CHIC1: variants seen among roughly 807,000 people sequenced by gnomAD.
CHIC1 encodes the protein cysteine rich hydrophobic domain 1, also known as cysteine-rich hydrophobic domain-containing protein 1.
A neutral mutation model predicts 18.5 loss-of-function variants in CHIC1; 7 were observed. The observed-to-expected ratio is 0.38, with a 90% CI of 0.22 to 0.71. The LOEUF is 0.71. CHIC1 is among the 30% of genes least tolerant of loss of function. The probability of loss-of-function intolerance (pLI) is 0.49; values close to 1 mark genes in which losing one functional copy is unlikely to be tolerated. For missense variants in CHIC1, 159 were observed against 176.9 expected (o/e 0.90, Z 0.57); for synonymous variants, 77 against 73.5 (o/e 1.05, Z -0.25).
intron 3 of CHIC1, among the ~76,000 whole-genome samples, chrX:73,621,807 A>G (rs189346541): frequency 1.8e-5 from 2 of 112,297 alleles, no homozygotes; most frequent in South Asian, 3.7e-4. Context: ...GCTTTTGCCC[A>G]TTCAGTATGA....
At chrX:73,563,735 G>A (rs778636097) in intron 1 of CHIC1, among the ~76,000 whole-genome samples, 155 bp downstream of exon 1, 1 of 111,179 alleles carries the variant, frequency 9.0e-6, no homozygotes, top group South Asian at 3.9e-4. Flanking sequence ...GGAAACCATG[G>A]GTGGATACGT....
chrX:73,657,102 C>A (rs2147614779), intron 3 of CHIC1, among the ~76,000 whole-genome samples: 1 of 106,362 alleles, frequency 9.4e-6, no homozygotes, highest in African/African-American at 3.4e-5. Flanking sequence ...CTCCATCGCC[C>A]AGACTGGAGT....
intron 3 of CHIC1, among the ~76,000 whole-genome samples, chrX:73,651,530 G>T (rs1402843090): frequency 9.0e-6 from 1 of 111,242 alleles, no homozygotes; most frequent in Admixed American, 9.6e-5. Context: ...CTTCAGCAAA[G>T]TCTCAGGATA....
At chrX:73,574,799 T>G (rs1276997018) in intron 1 of CHIC1, among the ~76,000 whole-genome samples, 1 of 110,734 alleles carries the variant, frequency 9.0e-6, no homozygotes, top group Non-Finnish European at 1.9e-5. Context: ...ATTGCACTTA[T>G]TTGGATCTTC....
chrX:73,677,715 G>A (rs1033227427), intron 3 of CHIC1, among the ~76,000 whole-genome samples: 7 of 112,038 alleles, frequency 6.2e-5, no homozygotes, highest in South Asian at 7.4e-4. Context: ...GCCCTGCTTC[G>A]GCTCGCACAC....
At chrX:73,578,477 C>G (rs1172503256) in intron 2 of CHIC1, among the ~76,000 whole-genome samples, 2 of 110,006 alleles carry the variant, frequency 1.8e-5, no homozygotes, top group East Asian at 2.8e-4. Context: ...TATTTTGGAG[C>G]CTTTAAATTC....
At chrX:73,606,876 C>A (rs1181694574) in intron 3 of CHIC1, among the ~76,000 whole-genome samples, 1 of 108,909 alleles carries the variant, frequency 9.2e-6, no homozygotes, top group East Asian at 2.9e-4. Context: ...GGGGCACCTG[C>A]CAGATGCCAG....
chrX:73,578,451 G>A (rs897547334), intron 2 of CHIC1, among the ~76,000 whole-genome samples: 1 of 110,287 alleles, frequency 9.1e-6, no homozygotes, highest in Non-Finnish European at 1.9e-5. Flanking sequence ...AGGGGTTAAA[G>A]GAAGTTAACT....
intron 3 of CHIC1, among the ~76,000 whole-genome samples, chrX:73,629,949 G>T (rs1005756868): frequency 1.8e-5 from 2 of 111,708 alleles, no homozygotes; most frequent in Non-Finnish European, 3.8e-5. Context: ...TTGTGTATTT[G>T]TGTCTTCTTC....
chrX:73,665,718 G>T (rs190430498), intron 3 of CHIC1, among the ~76,000 whole-genome samples: 1 of 111,152 alleles, frequency 9.0e-6, no homozygotes, highest in South Asian at 3.8e-4. Flanking sequence ...ACCAGCTGCC[G>T]GGTCTGACCA....
intron 3 of CHIC1, among the ~76,000 whole-genome samples, chrX:73,673,790 A>G (rs1165729295): frequency 8.9e-6 from 1 of 111,832 alleles, no homozygotes; most frequent in Non-Finnish European, 1.9e-5. Flanking sequence ...ACTATGTTGA[A>G]TAGGAATAGT....
intron 3 of CHIC1, among the ~76,000 whole-genome samples, chrX:73,672,640 A>T (rs2058037808): frequency 8.9e-6 from 1 of 112,041 alleles, no homozygotes; most frequent in African/African-American, 3.3e-5. Context: ...AATTTGTTTG[A>T]GTTCAATGTA....
chrX:73,612,608 CAG>C (rs2057714314), intron 3 of CHIC1, among the ~76,000 whole-genome samples: 2 of 111,810 alleles, frequency 1.8e-5, no homozygotes, highest in Non-Finnish European at 1.9e-5. Context: ...CATGTATTTG[CAG>C]AGTTTCCTAC....
chrX:73,655,385 GTATA>G (rs199605074), intron 3 of CHIC1, among the ~76,000 whole-genome samples: 2 of 97,494 alleles, frequency 2.1e-5, no homozygotes, highest in East Asian at 3.2e-4. Context: ...TTGTGGGTGT[GTATA>G]TATATGTACA....
At chrX:73,638,030 C>T (rs2057838861) in intron 3 of CHIC1, among the ~76,000 whole-genome samples, 1 of 111,542 alleles carries the variant, frequency 9.0e-6, no homozygotes, top group Admixed American at 9.6e-5. Flanking sequence ...ATTACCAGAG[C>T]TTGATCTTAG....
intron 3 of CHIC1, among the ~76,000 whole-genome samples, chrX:73,598,543 CATT>C (rs1317197102): frequency 2.1e-5 from 2 of 94,921 alleles, no homozygotes; most frequent in Admixed American, 2.5e-4. Context: ...CATGTAATCT[CATT>C]GTTCAGTTCC....
At chrX:73,643,941 G>A (rs1035677234) in intron 3 of CHIC1, among the ~76,000 whole-genome samples, 6 of 111,976 alleles carry the variant, frequency 5.4e-5, no homozygotes, top group African/African-American at 6.5e-5. Context: ...GAGGAGAGGC[G>A]CTCAGCTTTT....
At chrX:73,595,545 G>A (rs777348580) in intron 3 of CHIC1, among the ~76,000 whole-genome samples, 25 of 111,443 alleles carry the variant, frequency 2.2e-4, no homozygotes, top group African/African-American at 7.8e-4. Context: ...TGGTGTATAT[G>A]TACCACATTT....
intron 3 of CHIC1, among the ~76,000 whole-genome samples, chrX:73,616,681 G>T (rs1333240564): frequency 1.8e-5 from 2 of 112,052 alleles, no homozygotes; most frequent in Non-Finnish European, 3.8e-5. Context: ...CATGGAAGCT[G>T]CCAAGGCTTG....
Sources: allele counts gnomAD v4.1 joint callset (sites outside exome capture counted in the v4.1 genomes callset), GRCh38; gene constraint gnomAD v4.1.1; transcripts MANE v1.5; gene names NCBI Gene and HGNC (gene_info 2026-07-23, HGNC 2026-07-21).